The following AUH variants were observed in gnomAD, a reference collection of about 807,000 sequenced individuals.
The protein encoded by AUH is AU RNA binding methylglutaconyl-CoA hydratase.
AUH carries 29 observed loss-of-function variants against 42.3 expected under a neutral mutation model. That is an observed-to-expected ratio of 0.69 (90% CI 0.51 to 0.93). The LOEUF (loss-of-function observed/expected upper bound fraction) is 0.93. AUH is among the 40% of genes least tolerant of loss of function. AUH has a pLI of 0.00. For synonymous variants in AUH, 174 were observed against 166.4 expected, an observed-to-expected ratio of 1.05 and a Z score of -0.35; for missense variants, 452 against 438.1, an observed-to-expected ratio of 1.03 and a Z score of -0.28.
At chr9:91,268,323 C>T (rs1260497888) in intron 6 of AUH, among the ~76,000 whole-genome samples, 8 of 152,140 alleles carry the variant, frequency 5.3e-5, no homozygotes, top group Non-Finnish European at 1.2e-4. Flanking sequence ...TAAACTCATT[C>T]CAACATAACT....
intron 6 of AUH, among the ~76,000 whole-genome samples, chr9:91,233,094 CT>C (rs1337918631): frequency 6.6e-6 from 1 of 152,176 alleles, no homozygotes; most frequent in Non-Finnish European, 1.5e-5. Context: ...AACAAAGCCC[CT>C]GGCCCCTGGC....
chr9:91,282,638 C>T (rs1347443100), intron 6 of AUH, among the ~76,000 whole-genome samples: 1 of 151,984 alleles, frequency 6.6e-6, no homozygotes, highest in African/African-American at 2.4e-5. Context: ...GTGATGGCTC[C>T]GATCCCACGG....
chr9:91,359,349 C>CATACATTTCT (rs1010996621), intron 1 of AUH, among the ~76,000 whole-genome samples: 6 of 152,180 alleles, frequency 3.9e-5, no homozygotes, highest in Non-Finnish European at 8.8e-5. Context: ...AAATGTTCAA[C>CATACATTTCT]GTATCTACAT....
intron 6 of AUH, among the ~76,000 whole-genome samples, chr9:91,221,396 C>A (rs1056512353): frequency 6.6e-6 from 1 of 152,226 alleles, no homozygotes; most frequent in Non-Finnish European, 1.5e-5. Flanking sequence ...TTAAATAAAT[C>A]TTAACACATT....
chr9:91,313,376 A>C (rs1409407709), intron 4 of AUH, among the ~76,000 whole-genome samples: 3 of 152,134 alleles, frequency 2.0e-5, no homozygotes, highest in African/African-American at 7.2e-5. Context: ...CTTCCTCCCA[A>C]GACAAAAATA....
intron 6 of AUH, among the ~76,000 whole-genome samples, chr9:91,230,193 C>G (rs1044906708): frequency 6.6e-6 from 1 of 152,042 alleles, no homozygotes; most frequent in Non-Finnish European, 1.5e-5. Context: ...TTCAGGTACA[C>G]CAATCAGACG....
intron 1 of AUH, among the ~76,000 whole-genome samples, chr9:91,358,194 G>A (rs1401805440): frequency 2.6e-5 from 4 of 152,196 alleles, no homozygotes; most frequent in Non-Finnish European, 5.9e-5. Flanking sequence ...TATTTACCAG[G>A]TTTCTGGCTT....
chr9:91,267,891 C>T (rs748760021), intron 6 of AUH, among the ~76,000 whole-genome samples: 18 of 152,068 alleles, frequency 1.2e-4, no homozygotes, highest in African/African-American at 3.1e-4. Context: ...AAGATGACAA[C>T]GCGGATTTGC....
intron 3 of AUH, among the ~76,000 whole-genome samples, chr9:91,336,317 G>C (rs1048543360): frequency 1.3e-5 from 2 of 151,950 alleles, no homozygotes; most frequent in African/African-American, 2.4e-5. Flanking sequence ...TCATTTGAAC[G>C]AAATTGTTAA....
intron 4 of AUH, among the ~76,000 whole-genome samples, chr9:91,307,043 G>C (rs1256229484): frequency 6.6e-6 from 1 of 152,162 alleles, no homozygotes; most frequent in East Asian, 1.9e-4. Context: ...GGAAATTATA[G>C]TGATACAAGT....
Position 91,356,085 on chromosome 9 carries a change from C to A in AUH, c.330+3G>T. ...AAGCAAACAGTTTAATCTTTACACT[C>A]ACCATTTTTATAAGATTTTTACTGA... On this transcript the variant is annotated splice_donor_region_variant and intron_variant, in intron 2 of 9. Transcript: ENST00000375731. 6.2e-7 allele frequency: 1 copy of A among 1,611,550 alleles called. No homozygotes were observed.
chr9:91,273,577 T>G (rs1009479727), intron 6 of AUH, among the ~76,000 whole-genome samples: 1 of 152,242 alleles, frequency 6.6e-6, no homozygotes, highest in Non-Finnish European at 1.5e-5. Flanking sequence ...TCAACTGGCA[T>G]TGAAAATGTT....
At chr9:91,231,329 G>A (rs951370219) in intron 6 of AUH, among the ~76,000 whole-genome samples, 21 of 152,122 alleles carry the variant, frequency 1.4e-4, no homozygotes, top group South Asian at 4.1e-4. Context: ...AGGTGCCGTC[G>A]GTCACCCCTT....
chr9:91,262,034 G>GAA (rs60686656), intron 6 of AUH, among the ~76,000 whole-genome samples: 1 of 151,914 alleles, frequency 6.6e-6, no homozygotes, highest in African/African-American at 2.4e-5. Context: ...AAACCAATGG[G>GAA]AAAAAAAGAT....
At chr9:91,329,244 G>T (rs1451909361) in intron 3 of AUH, among the ~76,000 whole-genome samples, 1 of 151,216 alleles carries the variant, frequency 6.6e-6, no homozygotes, top group Non-Finnish European at 1.5e-5. Flanking sequence ...ATTTGTCTTG[G>T]ATAAAGACAA....
intron 6 of AUH, among the ~76,000 whole-genome samples, chr9:91,262,997 C>G (rs1016025362): frequency 6.6e-6 from 1 of 152,200 alleles, no homozygotes; most frequent in African/African-American, 2.4e-5. Flanking sequence ...TTTTGTTCTG[C>G]TGCAGTTACT....
At chr9:91,229,553 C>T (rs1467432602) in intron 6 of AUH, among the ~76,000 whole-genome samples, 1 of 150,526 alleles carries the variant, frequency 6.6e-6, no homozygotes, top group Admixed American at 6.6e-5. Flanking sequence ...AGTCCATTTA[C>T]ATTTAAAGTT....
intron 6 of AUH, among the ~76,000 whole-genome samples, chr9:91,248,964 C>T (rs925333920): frequency 6.6e-6 from 1 of 152,048 alleles, no homozygotes; most frequent in African/African-American, 2.4e-5. Flanking sequence ...CAGTGGATAC[C>T]TCCATGTAAA....
chr9:91,222,378 A>G (rs1238753112), intron 6 of AUH, among the ~76,000 whole-genome samples: 1 of 152,240 alleles, frequency 6.6e-6, no homozygotes, highest in Admixed American at 6.5e-5. Context: ...CACTTAGAAA[A>G]AGAAACCCTG....
Sources: gnomAD v4.1 joint callset for allele counts (sites outside exome capture counted in the v4.1 genomes callset) on GRCh38, gnomAD v4.1.1 for gene constraint, MANE v1.5 for transcripts, NCBI Gene and HGNC (gene_info 2026-07-23, HGNC 2026-07-21) for gene names.